The following RBFOX1 variants were observed in gnomAD, a reference collection of about 807,000 sequenced individuals.
The protein encoded by RBFOX1 is RNA binding protein fox-1 homolog 1.
Under a neutral mutation model 57.7 loss-of-function variants are expected in RBFOX1, and 8 were observed. That is an observed-to-expected ratio of 0.14 (90% CI 0.08 to 0.25). The LOEUF (loss-of-function observed/expected upper bound fraction) is 0.25. RBFOX1 is among the 10% of genes least tolerant of loss of function. The pLI is 1.00. For missense variants in RBFOX1, 611 were observed against 548.5 expected (o/e 1.11, Z -1.14); for synonymous variants, 326 against 222.4 (o/e 1.47, Z -4.15).
rs569802380 is a variant in RBFOX1 at position 5,364,271 on chromosome 16, C to T, written c.220-102945C>T. ...TGTGCTGGTTTGAGATGTGAATGCACCAACAGTCCCCCAGGGGTGCACAGA... is the reference window on the plus strand; with the variant it reads ...TGTGCTGGTTTGAGATGTGAATGCATCAACAGTCCCCCAGGGGTGCACAGA... On this transcript the variant is annotated intron_variant, in intron 1 of 2. Coordinates refer to the RBFOX1 transcript ENST00000585867. Among the ~76,000 whole-genome samples, 14 of 152,308 alleles carry T rather than the reference C, an allele frequency of 9.2e-5. 1 individual carries two copies. In the Middle Eastern group the frequency reaches 0.02, roughly 222 times the overall value.
chr16:6,218,568 C>T (rs2097351292), intron 1 of RBFOX1, among the ~76,000 whole-genome samples: 1 of 152,136 alleles, frequency 6.6e-6, no homozygotes, highest in Admixed American at 6.5e-5. Context: ...CCTCGGCCTC[C>T]CAAAGTGCTG....
chr16:6,919,079 A>G (rs2073893670), intron 3 of RBFOX1, among the ~76,000 whole-genome samples: 1 of 152,150 alleles, frequency 6.6e-6, no homozygotes, highest in Admixed American at 6.5e-5. Flanking sequence ...TCTTGGGTTT[A>G]AGCCATTCTC....
chr16:7,582,198 G>T (rs1243272041), intron 6 of RBFOX1, among the ~76,000 whole-genome samples: 2 of 152,216 alleles, frequency 1.3e-5, no homozygotes, highest in East Asian at 1.9e-4. Flanking sequence ...TTAAAGTCAA[G>T]ATTTTCAAGC....
chr16:7,559,882 T>C (rs1239646845), intron 5 of RBFOX1, among the ~76,000 whole-genome samples: 1 of 152,248 alleles, frequency 6.6e-6, no homozygotes, highest in African/African-American at 2.4e-5. Flanking sequence ...AAGTAACATG[T>C]CCAAGGTCAA....
chr16:7,090,295 T>C, intron 4 of RBFOX1, among the ~76,000 whole-genome samples: 1 of 152,214 alleles, frequency 6.6e-6, no homozygotes, highest in East Asian at 1.9e-4. Context: ...GTAACCTCTT[T>C]ATATGCACCT....
chr16:7,002,670 C>A (rs1209757330), intron 3 of RBFOX1, among the ~76,000 whole-genome samples: 1 of 152,150 alleles, frequency 6.6e-6, no homozygotes, highest in African/African-American at 2.4e-5. Flanking sequence ...CGAGATTGCG[C>A]CACTGCACTC....
chr16:5,377,223 G>A (rs1183036014), intron 1 of RBFOX1, among the ~76,000 whole-genome samples: 5 of 151,482 alleles, frequency 3.3e-5, no homozygotes, highest in African/African-American at 7.4e-5. Context: ...CCTCCCCCAC[G>A]CACAGCAAGT....
At chr16:5,634,100 C>G (rs1173324452) in intron 3 of RBFOX1, among the ~76,000 whole-genome samples, 2 of 152,154 alleles carry the variant, frequency 1.3e-5, no homozygotes, top group Admixed American at 6.5e-5. Context: ...TCCAAATGAT[C>G]CTTACCCTTT....
intron 1 of RBFOX1, among the ~76,000 whole-genome samples, chr16:5,454,899 T>C (rs1445964770): frequency 3.0e-4 from 31 of 102,220 alleles, no homozygotes; most frequent in Admixed American, 5.8e-4. Flanking sequence ...TCTTTCTTTC[T>C]TTCTTTCTTT....
intron 2 of RBFOX1, among the ~76,000 whole-genome samples, chr16:6,435,207 G>C (rs2094200454): frequency 6.6e-6 from 1 of 152,028 alleles, no homozygotes; most frequent in African/African-American, 2.4e-5. Flanking sequence ...ATTCAGAGTG[G>C]TTTCAAGGCA....
chr16:5,837,018 G>A lies in RBFOX1; in HGVS notation c.319-30285G>A, dbSNP rs546502830. Among the ~76,000 whole-genome samples the A allele has an allele frequency of 2.0e-5, 3 of 152,238 alleles. No homozygotes were observed. In the South Asian group the frequency reaches 6.2e-4, roughly 32 times the overall value. The stretch of plus-strand genomic sequence containing the variant: ...TAGTCTTCCCTAGAGCCCTTGCGTG[G>A]TCCCTGGTCACTTGCAGAAGTACCC... On this transcript the variant is annotated intron_variant, in intron 3 of 19. Coordinates refer to the RBFOX1 transcript ENST00000641259.
At chr16:6,530,978 C>A (rs2096649886) in intron 2 of RBFOX1, among the ~76,000 whole-genome samples, 1 of 152,194 alleles carries the variant, frequency 6.6e-6, no homozygotes. Flanking sequence ...CACCTCCCTT[C>A]CTGGTGTCTG....
intron 4 of RBFOX1, among the ~76,000 whole-genome samples, chr16:5,948,073 G>C (rs1471940952): frequency 6.6e-6 from 1 of 152,176 alleles, no homozygotes; most frequent in African/African-American, 2.4e-5. Flanking sequence ...CAAGGGTGGT[G>C]GGCATGTGGG....
intron 5 of RBFOX1, among the ~76,000 whole-genome samples, chr16:7,534,307 G>C (rs1218927939): frequency 2.6e-5 from 4 of 151,682 alleles, no homozygotes; most frequent in Non-Finnish European, 5.9e-5. Flanking sequence ...TAGCCAGGCT[G>C]GTCTCGAACT....
intron 3 of RBFOX1, among the ~76,000 whole-genome samples, chr16:6,779,447 T>C (rs1460347755): frequency 1.3e-5 from 2 of 151,858 alleles, no homozygotes; most frequent in Admixed American, 6.6e-5. Flanking sequence ...TTTCATAACT[T>C]GGCTGTTGTG....
intron 1 of RBFOX1, among the ~76,000 whole-genome samples, chr16:5,407,955 T>C (rs934667289): frequency 6.6e-6 from 1 of 152,264 alleles, no homozygotes; most frequent in African/African-American, 2.4e-5. Context: ...CAATTTGGAT[T>C]GAACAGCCTT....
chr16:7,335,963 A>G (rs1210194001), intron 4 of RBFOX1, among the ~76,000 whole-genome samples: 2 of 152,248 alleles, frequency 1.3e-5, no homozygotes, highest in African/African-American at 2.4e-5. Context: ...CAGAGAGGAA[A>G]GGATAAGAGT....
chr16:6,915,317 C>G (rs936488046), intron 3 of RBFOX1, among the ~76,000 whole-genome samples: 1 of 152,130 alleles, frequency 6.6e-6, no homozygotes, highest in Admixed American at 6.5e-5. Context: ...GACTAGGGAG[C>G]TAACTGCGGT....
intron 3 of RBFOX1, among the ~76,000 whole-genome samples, chr16:6,952,993 A>G (rs114969817): frequency 0.014 from 2,181 of 152,158 alleles, 53 homozygotes; most frequent in African/African-American, 0.05. Flanking sequence ...AAAAATTGTC[A>G]TTGTTTGAAC....
Sources: gnomAD v4.1 joint callset for allele counts (sites outside exome capture counted in the v4.1 genomes callset) on GRCh38, gnomAD v4.1.1 for gene constraint, MANE v1.5 for transcripts, NCBI Gene and HGNC (gene_info 2026-07-23, HGNC 2026-07-21) for gene names.